Variants in DOCK2 observed in about 807,000 individuals in gnomAD.
DOCK2 encodes dedicator of cytokinesis protein 2.
In DOCK2, 87 loss-of-function variants were observed where a neutral mutation model predicts 248.9. That is an observed-to-expected ratio of 0.35 (90% CI 0.29 to 0.42). The LOEUF (loss-of-function observed/expected upper bound fraction) is 0.42. Among genes scored for constraint, DOCK2 ranks in the 10% least tolerant of loss-of-function variants. The pLI, the probability that DOCK2 is intolerant of heterozygous loss-of-function variation, is 1.00. For missense variants in DOCK2, 1,747 were observed against 2,300.2 expected (o/e 0.76, Z 4.92); for synonymous variants, 805 against 821.6 (o/e 0.98, Z 0.35).
chr5:169,860,813 A>G (rs1771152748), intron 27 of DOCK2, among the ~76,000 whole-genome samples: 1 of 152,226 alleles, frequency 6.6e-6, no homozygotes, highest in Non-Finnish European at 1.5e-5. Flanking sequence ...AATATTTGCT[A>G]ATCTCCCATC....
intron 39 of DOCK2, among the ~76,000 whole-genome samples, chr5:170,047,198 G>C (rs1454016077): frequency 6.6e-6 from 1 of 152,090 alleles, no homozygotes; most frequent in Admixed American, 6.6e-5. Flanking sequence ...AACTAACTGG[G>C]TTCAGCTCCA....
intron 22 of DOCK2, among the ~76,000 whole-genome samples, chr5:169,736,094 A>G (rs1467466569): frequency 6.6e-6 from 1 of 152,182 alleles, no homozygotes; most frequent in Non-Finnish European, 1.5e-5. Context: ...CCATGATCCA[A>G]TCATCTCTCG....
chr5:169,784,536 G>A (rs148795057), intron 25 of DOCK2, among the ~76,000 whole-genome samples: 541 of 152,280 alleles, frequency 3.6e-3, no homozygotes, highest in Non-Finnish European at 5.4e-3. Flanking sequence ...ATAATTTCAG[G>A]TGTGTACAAA....
At chr5:169,668,043 T>C (rs1393570278) in intron 2 of DOCK2, among the ~76,000 whole-genome samples, 6 of 152,170 alleles carry the variant, frequency 3.9e-5, no homozygotes, top group African/African-American at 1.4e-4. Flanking sequence ...GCATAGGTGA[T>C]AGTTGCTTAT....
rs148125280 is a variant in DOCK2, at chr5:169,655,434, G to A, written c.127+948G>A. 6.4e-4 allele frequency among the ~76,000 whole-genome samples: 97 copies of A among 152,346 alleles called. 1 individual carries two copies. Among genetic ancestry groups the A allele is most frequent in the African/African-American group, 2.2e-3 (91 of 41,578 alleles). On this transcript the variant is annotated intron_variant, in intron 2 of 51. Coordinates refer to ENST00000520908, the MANE Select transcript of DOCK2 (RefSeq NM_004946.3). The stretch of plus-strand genomic sequence containing the variant: ...GGAGTGACGGTCAGGGAGGAGGCAG[G>A]TGTGCCACTGTGAAGGAGTCCTTTC...
At chr5:169,685,254 A>T (rs1427109885) in intron 8 of DOCK2, among the ~76,000 whole-genome samples, 1 of 152,138 alleles carries the variant, frequency 6.6e-6, no homozygotes, top group Non-Finnish European at 1.5e-5. Context: ...TACTACTTTA[A>T]TAAGTTGTTC....
chr5:170,038,819 A>G (rs1340458604), intron 36 of DOCK2, among the ~76,000 whole-genome samples: 8 of 152,168 alleles, frequency 5.3e-5, no homozygotes, highest in Non-Finnish European at 4.4e-5. Context: ...GAGGAGTTGA[A>G]AGTAGCAGGG....
intron 27 of DOCK2, among the ~76,000 whole-genome samples, chr5:169,919,553 T>C (rs1050029282): frequency 6.6e-6 from 1 of 152,228 alleles, no homozygotes; most frequent in African/African-American, 2.4e-5. Context: ...ATGCATTTCT[T>C]TGATGTGGAC....
intron 25 of DOCK2, among the ~76,000 whole-genome samples, chr5:169,793,930 C>T (rs62384793): frequency 0.12 from 18,565 of 152,064 alleles, 1,432 homozygotes; most frequent in Non-Finnish European, 0.17. Context: ...TAAGTGTGCC[C>T]GGCTCAGCGA....
chr5:169,710,911 C>T (rs938535109), intron 15 of DOCK2, among the ~76,000 whole-genome samples: 4 of 152,298 alleles, frequency 2.6e-5, no homozygotes, highest in Middle Eastern at 3.4e-3. Flanking sequence ...CACATTGCCC[C>T]ATGTGTAACA....
At chr5:170,080,555 A>C (rs1177079385) in intron 50 of DOCK2, 1 of 435,394 alleles carries the variant, frequency 2.3e-6, no homozygotes, top group Non-Finnish European at 4.1e-6. Context: ...CATTTGTCAC[A>C]CTAGGTGGCC....
intron 27 of DOCK2, chr5:169,864,554 G>A (rs1771418971): frequency 9.9e-7 from 1 of 1,014,256 alleles, no homozygotes; most frequent in Admixed American, 3.0e-5. Context: ...AAGAGCATGA[G>A]CTTTGGGATC....
chr5:169,871,696 G>T (rs1193331884), intron 27 of DOCK2, among the ~76,000 whole-genome samples: 1 of 152,202 alleles, frequency 6.6e-6, no homozygotes, highest in Non-Finnish European at 1.5e-5. Flanking sequence ...TGCAAAATAT[G>T]TAGGGTGGTG....
At chr5:169,732,264 T>G (rs2113629028) in intron 22 of DOCK2, among the ~76,000 whole-genome samples, 1 of 152,336 alleles carries the variant, frequency 6.6e-6, no homozygotes, top group African/African-American at 2.4e-5. Flanking sequence ...ATCACTTTTC[T>G]TCCCTTGGCT....
chr5:169,711,864 G>C (rs534632594), intron 15 of DOCK2, 71 bp from the exon 16 acceptor site: 6 of 1,539,222 alleles, frequency 3.9e-6, no homozygotes, highest in Non-Finnish European at 5.4e-6. Context: ...TGCTGTGGAA[G>C]TGTGTAGGGG....
At chr5:169,878,345 C>T (rs762675684) in intron 27 of DOCK2, among the ~76,000 whole-genome samples, 1 of 152,142 alleles carries the variant, frequency 6.6e-6, no homozygotes, top group African/African-American at 2.4e-5. Flanking sequence ...TAAATCCATT[C>T]GCTTTTTAAA....
intron 44 of DOCK2, among the ~76,000 whole-genome samples, chr5:170,061,352 AC>A (rs1227475428): frequency 6.6e-6 from 1 of 152,222 alleles, no homozygotes; most frequent in East Asian, 1.9e-4. Context: ...AATCACAAAT[AC>A]CCGAGTTGTC....
chr5:169,860,705 A>G (rs1023358843), intron 27 of DOCK2, among the ~76,000 whole-genome samples: 4 of 152,208 alleles, frequency 2.6e-5, no homozygotes, highest in Non-Finnish European at 5.9e-5. Context: ...ACTGAATCAC[A>G]TGACAGGAAA....
chr5:169,765,037 C>G (rs892357943), intron 25 of DOCK2, among the ~76,000 whole-genome samples: 6 of 150,782 alleles, frequency 4.0e-5, no homozygotes, highest in Non-Finnish European at 7.4e-5. Flanking sequence ...CAGCTATCCT[C>G]TCTGATGATT....
Sources: gnomAD v4.1 joint callset for allele counts (sites outside exome capture counted in the v4.1 genomes callset) on GRCh38, gnomAD v4.1.1 for gene constraint, MANE v1.5 for transcripts, NCBI Gene and HGNC (gene_info 2026-07-23, HGNC 2026-07-21) for gene names.